VPS13A: variants seen among roughly 807,000 people sequenced by gnomAD.
The protein encoded by VPS13A is intermembrane lipid transfer protein VPS13A.
A neutral mutation model predicts 390.9 loss-of-function variants in VPS13A; 264 were observed. The ratio of observed to expected loss-of-function variants is 0.68; its 90% confidence interval spans 0.61 to 0.75. The LOEUF (loss-of-function observed/expected upper bound fraction) is 0.75. Ranked by LOEUF, VPS13A falls within the 30% of genes least tolerant of loss-of-function variation. The pLI is 0.00. For missense variants in VPS13A, 3,409 were observed against 3,733.9 expected, an observed-to-expected ratio of 0.91 and a Z score of 2.27; for synonymous variants, 1,231 against 1,227.1, an observed-to-expected ratio of 1.00 and a Z score of -0.07.
intron 31 of VPS13A, among the ~76,000 whole-genome samples, chr9:77,290,218 C>T (rs1487160576): frequency 1.3e-5 from 2 of 152,100 alleles, no homozygotes; most frequent in Non-Finnish European, 2.9e-5. Context: ...GTTGTGTTTT[C>T]CCCCTTTCCA....
chr9:77,194,453 C>T (rs1455256475), intron 1 of VPS13A, among the ~76,000 whole-genome samples: 1 of 152,092 alleles, frequency 6.6e-6, no homozygotes, highest in Non-Finnish European at 1.5e-5. Context: ...CCAAAGCTAC[C>T]TAGAGGTGTG....
chr9:77,408,121 C>T (rs1273371929), intron 71 of VPS13A, among the ~76,000 whole-genome samples: 3 of 152,144 alleles, frequency 2.0e-5, no homozygotes, highest in Non-Finnish European at 4.4e-5. Flanking sequence ...ACAGTTTCCT[C>T]AAGATGAGAA....
Position 77,421,004 on chromosome 9 carries a change from C to G in VPS13A, c.*4998C>G, listed in dbSNP as rs1835322493. The G allele has an allele frequency of 6.6e-6, 1 of 152,110 alleles. No homozygotes were observed. The highest frequency in any genetic ancestry group is 1.5e-5 in the Non-Finnish European group (1 of 68,014). The allele number at this position is 152,110 out of a possible 1,614,324, so 9.4% of individuals were successfully genotyped here. A position where few individuals can be genotyped will look rare whatever the true frequency, so the allele number is the denominator to read the frequency against. On this transcript the variant is annotated 3_prime_UTR_variant, in exon 72 of 72. Coordinates refer to ENST00000360280, the MANE Select transcript of VPS13A (RefSeq NM_033305.3). ...GGAACTTGTTACAAGGTCAGATAAA[C>G]TGTTACAGAATTTTAGAAATAATTA...
At chr9:77,314,141 A>C in intron 36 of VPS13A, 22 bp downstream of exon 36, 1 of 1,612,090 alleles carries the variant, frequency 6.2e-7, no homozygotes, top group Non-Finnish European at 8.5e-7. Flanking sequence ...AAGAAAAGAA[A>C]ATGTATTTTC....
chr9:77,185,040 T>G (rs963327316), intron 1 of VPS13A, among the ~76,000 whole-genome samples: 2 of 152,092 alleles, frequency 1.3e-5, no homozygotes, highest in African/African-American at 2.4e-5. Flanking sequence ...GATTTATAGC[T>G]GGTCAATCAG....
chr9:77,302,332 A>T (rs2131392337), intron 33 of VPS13A, among the ~76,000 whole-genome samples: 1 of 143,262 alleles, frequency 7.0e-6, no homozygotes, highest in African/African-American at 2.6e-5. Flanking sequence ...TTTTTACCAT[A>T]TTCCAAAATT....
intron 3 of VPS13A, among the ~76,000 whole-genome samples, chr9:77,204,240 T>C (rs1789278728): frequency 6.6e-6 from 1 of 152,174 alleles, no homozygotes; most frequent in African/African-American, 2.4e-5. Flanking sequence ...ATGGCAGCTG[T>C]ATAAATCTAG....
At chr9:77,209,611 A>C (rs1825860706) in intron 6 of VPS13A, 79 bp downstream of exon 6, 2 of 868,252 alleles carry the variant, frequency 2.3e-6, no homozygotes, top group Admixed American at 4.3e-5. Flanking sequence ...CTACTTTTTA[A>C]TGGCCAATCT....
Position 77,275,424 on chromosome 9 carries a change from T to C in VPS13A, c.2513-74T>C. 4 of 1,398,030 alleles carry C rather than the reference T, an allele frequency of 2.9e-6. No homozygotes were observed. In the South Asian group the frequency reaches 4.7e-5, roughly 17 times the overall value. The allele number at this position is 1,398,030 out of a possible 1,614,324, so 86.6% of individuals were successfully genotyped here. On this transcript the variant is annotated intron_variant, in intron 24 of 71. Transcript: ENST00000360280. Reference sequence around the variant, plus strand: ...GAGAGCCTTAGTGTTTTAGTGTTCATATTTATTTCTATTGAAATACTGTTA... The same window carrying C: ...GAGAGCCTTAGTGTTTTAGTGTTCACATTTATTTCTATTGAAATACTGTTA...
intron 52 of VPS13A, 159 bp from the exon 53 acceptor site, chr9:77,351,158 C>G: frequency 1.2e-6 from 1 of 826,168 alleles, no homozygotes; most frequent in Non-Finnish European, 1.8e-6. Context: ...ATTAGTGAAC[C>G]CTTTTTTAAT....
At chr9:77,350,662 A>G (rs763213908) in intron 52 of VPS13A, among the ~76,000 whole-genome samples, 3 of 152,116 alleles carry the variant, frequency 2.0e-5, no homozygotes, top group Admixed American at 6.5e-5. Flanking sequence ...GCGAGTGACT[A>G]TGATTTTCCT....
intron 68 of VPS13A, chr9:77,395,571 C>G (rs1834088026): frequency 1.3e-5 from 2 of 152,156 alleles, no homozygotes; most frequent in Non-Finnish European, 2.9e-5. Context: ...TTGCTTGATG[C>G]AGAGTTGCCA....
intron 68 of VPS13A, among the ~76,000 whole-genome samples, chr9:77,398,966 A>C (rs1834235798): frequency 8.0e-6 from 1 of 125,730 alleles, no homozygotes; most frequent in Non-Finnish European, 1.6e-5. Flanking sequence ...GAATTGAACA[A>C]TGAGATCACA....
At chr9:77,327,273 C>T (rs1410725752) in intron 45 of VPS13A, among the ~76,000 whole-genome samples, 1 of 152,178 alleles carries the variant, frequency 6.6e-6, no homozygotes, top group Non-Finnish European at 1.5e-5. Context: ...GATATCCCTT[C>T]TCTTTCACTT....
chr9:77,372,958 A>G (rs1167225856), intron 67 of VPS13A, among the ~76,000 whole-genome samples: 2 of 152,162 alleles, frequency 1.3e-5, no homozygotes, highest in Admixed American at 1.3e-4. Context: ...AAGGAGAACT[A>G]CAAACCACTG....
chr9:77,316,309 G>T lies in VPS13A; in HGVS notation c.4766G>T (p.Gly1589Val), dbSNP rs1829384823. 3 of 1,613,054 alleles carry T rather than the reference G, an allele frequency of 1.9e-6. No individual in the cohort carries two copies. The highest frequency in any genetic ancestry group is 2.5e-6 in the Non-Finnish European group (3 of 1,179,400). ...ITTQCEICYK[G>V]NLENSTMTAA... ...ACACAATGTGAAATTTGCTATAAAG[G>T]TAACCTTGAAAATAGTACAATGACT... Residue 1589 changes from glycine (G) to valine (V), a missense_variant, in exon 39 of 72, where the codon GGT becomes GTT. Gly to Val is a moderately radical substitution (Grantham distance 109, BLOSUM62 -3). This residue lies in a region of VPS13A where 2,717 missense variants were observed against 2,917.4 expected (regional missense o/e 0.93). Coordinates refer to ENST00000360280, the MANE Select transcript of VPS13A (RefSeq NM_033305.3).
chr9:77,389,400 G>C (rs1833817235), intron 68 of VPS13A, among the ~76,000 whole-genome samples: 3 of 151,288 alleles, frequency 2.0e-5, no homozygotes, highest in African/African-American at 4.9e-5. Flanking sequence ...TCAAACTATG[G>C]ACTGAAGTAG....
chr9:77,325,401 G>GT (rs566722890), intron 45 of VPS13A, among the ~76,000 whole-genome samples: 20,494 of 123,372 alleles, frequency 0.17, 1,547 homozygotes, highest in East Asian at 0.24. Flanking sequence ...GTTAGACCTT[G>GT]TTTTTTTTTT....
At chr9:77,270,796 T>C (rs1191737996) in intron 23 of VPS13A, among the ~76,000 whole-genome samples, 1 of 152,178 alleles carries the variant, frequency 6.6e-6, no homozygotes, top group African/African-American at 2.4e-5. Context: ...CAACATATGG[T>C]TCTGAAACAA....
Sources: gnomAD v4.1 joint callset for allele counts (sites outside exome capture counted in the v4.1 genomes callset) on GRCh38, gnomAD v4.1.1 for gene constraint, gnomAD v4.1.1 regional missense constraint, MANE v1.5 for transcripts, NCBI Gene and HGNC (gene_info 2026-07-23, HGNC 2026-07-21) for gene names.